The following B3GLCT variants were observed in gnomAD, a reference collection of about 807,000 sequenced individuals.
B3GLCT encodes beta-1,3-glucosyltransferase.
A neutral mutation model predicts 63.4 loss-of-function variants in B3GLCT; 65 were observed. That is an observed-to-expected ratio of 1.03 (90% CI 0.84 to 1.26). B3GLCT has a LOEUF of 1.26. Among genes scored for constraint, B3GLCT ranks in the 50% most tolerant of loss-of-function variants. The probability of loss-of-function intolerance (pLI) is 0.00; values close to 1 mark genes in which losing one functional copy is unlikely to be tolerated. For synonymous variants in B3GLCT, 233 were observed against 219.2 expected, an observed-to-expected ratio of 1.06 and a Z score of -0.55; for missense variants, 577 against 604.8, an observed-to-expected ratio of 0.95 and a Z score of 0.48.
At chr13:31,279,452 A>T (rs1400131341) in intron 10 of B3GLCT, among the ~76,000 whole-genome samples, 3 of 152,066 alleles carry the variant, frequency 2.0e-5, no homozygotes, top group Non-Finnish European at 2.9e-5. Context: ...TGTCCGGGGG[A>T]GACATCACAT....
rs17075749 is a variant in B3GLCT at position 31,275,852 on chromosome 13, G to T, written c.781-850G>T. On this transcript the variant is annotated intron_variant, in intron 9 of 14. Transcript: ENST00000343307. The stretch of plus-strand genomic sequence containing the variant: ...CAGCATTGAGAGAGAATCTGTAATT[G>T]TTTGCAGTTCCAGAGGGGGAGACCA... Among the ~76,000 whole-genome samples, 876 of 152,168 alleles carry T rather than the reference G, an allele frequency of 5.8e-3. 13 individuals carry two copies. Among genetic ancestry groups the T allele is most frequent in the African/African-American group, 0.02 (843 of 41,532 alleles).
chr13:31,277,070 G>A (rs1449958728), intron 10 of B3GLCT, among the ~76,000 whole-genome samples: 3 of 152,188 alleles, frequency 2.0e-5, no homozygotes, highest in Admixed American at 2.0e-4. Context: ...GTGAAAAACA[G>A]TCCATTTTGT....
intron 4 of B3GLCT, among the ~76,000 whole-genome samples, chr13:31,243,208 T>C (rs770850608): frequency 8.5e-5 from 13 of 152,252 alleles, no homozygotes; most frequent in Non-Finnish European, 1.6e-4. Flanking sequence ...TGCCTAATGC[T>C]GATCTTACTT....
chr13:31,233,178 C>T (rs1186406728), intron 4 of B3GLCT, among the ~76,000 whole-genome samples: 2 of 152,084 alleles, frequency 1.3e-5, no homozygotes, highest in Non-Finnish European at 2.9e-5. Flanking sequence ...CCTGTTAACT[C>T]TTAAATGGAT....
intron 1 of B3GLCT, among the ~76,000 whole-genome samples, chr13:31,207,737 C>T (rs1009804896): frequency 1.3e-5 from 2 of 152,116 alleles, no homozygotes; most frequent in African/African-American, 2.4e-5. Context: ...ATATCTGAGT[C>T]GATAGTAGGC....
At chr13:31,300,732 C>T (rs1429110270) in intron 12 of B3GLCT, among the ~76,000 whole-genome samples, 2 of 152,164 alleles carry the variant, frequency 1.3e-5, no homozygotes, top group Non-Finnish European at 2.9e-5. Flanking sequence ...AAAGACCAAT[C>T]TTAGGTTCTA....
chr13:31,321,728 G>A (rs574725866), intron 13 of B3GLCT, among the ~76,000 whole-genome samples: 4 of 152,310 alleles, frequency 2.6e-5, no homozygotes, highest in South Asian at 4.1e-4. Flanking sequence ...GGTATTTTGC[G>A]TTGTTTGGAG....
At chr13:31,251,808 G>A (rs1435288115) in intron 6 of B3GLCT, among the ~76,000 whole-genome samples, 2 of 152,120 alleles carry the variant, frequency 1.3e-5, no homozygotes, top group Non-Finnish European at 2.9e-5. Flanking sequence ...GATATTATCC[G>A]GGAGAACTTC....
intron 7 of B3GLCT, among the ~76,000 whole-genome samples, chr13:31,265,434 G>C (rs1328934471): frequency 6.6e-6 from 1 of 152,060 alleles, no homozygotes; most frequent in Non-Finnish European, 1.5e-5. Context: ...TTGACTTTAC[G>C]GCCCACATTG....
At chr13:31,223,125 C>T in intron 3 of B3GLCT, 134 bp downstream of exon 3, 2 of 672,988 alleles carry the variant, frequency 3.0e-6, no homozygotes, top group Non-Finnish European at 5.2e-6. Flanking sequence ...GTCTTTGGCC[C>T]AGCCTAACGT....
intron 12 of B3GLCT, among the ~76,000 whole-genome samples, chr13:31,291,723 TG>T (rs1873670276): frequency 1.3e-5 from 2 of 152,214 alleles, no homozygotes; most frequent in Admixed American, 1.3e-4. Flanking sequence ...TGGGCTGAGA[TG>T]ATGGATTTTC....
intron 12 of B3GLCT, among the ~76,000 whole-genome samples, chr13:31,313,741 A>G (rs1385802992): frequency 6.6e-6 from 1 of 152,226 alleles, no homozygotes; most frequent in African/African-American, 2.4e-5. Context: ...AGTAGCAAGT[A>G]GCCGAATGTT....
At position 31,200,162 on chromosome 13, in the gene B3GLCT, G is replaced by A; in HGVS notation, c.70+8G>A. 1 of 1,312,492 alleles carries A rather than the reference G, an allele frequency of 7.6e-7. No homozygotes were observed. The highest frequency in any genetic ancestry group is 9.8e-7 in the Non-Finnish European group (1 of 1,019,968). 81.3% of individuals were successfully genotyped at this position (1,312,492 alleles called of 1,614,324 possible). ...TCCTCACCTGCTCCCTGGGTAAGTA[G>A]CGGGCGGCCAGGCGCGCAAGGGCGA... On this transcript the variant is annotated splice_region_variant and intron_variant, in intron 1 of 14. Transcript: ENST00000343307.
chr13:31,253,722 CA>C (rs567800473), intron 6 of B3GLCT, among the ~76,000 whole-genome samples: 2 of 149,342 alleles, frequency 1.3e-5, no homozygotes, highest in Non-Finnish European at 3.0e-5. Flanking sequence ...AAAAACCCTT[CA>C]AAAAAAATCA....
chr13:31,206,546 C>G (rs1868961599), intron 1 of B3GLCT, among the ~76,000 whole-genome samples: 1 of 148,108 alleles, frequency 6.8e-6, no homozygotes, highest in Non-Finnish European at 1.5e-5. Context: ...CGAGACCAGC[C>G]TGGTCAACAT....
intron 10 of B3GLCT, 128 bp downstream of exon 10, chr13:31,276,899 C>T (rs777619322): frequency 1.2e-5 from 9 of 755,504 alleles, no homozygotes; most frequent in Non-Finnish European, 2.1e-5. Flanking sequence ...GAAGTGAAAG[C>T]AGTTATTTAA....
intron 3 of B3GLCT, among the ~76,000 whole-genome samples, chr13:31,226,333 A>G (rs1358578941): frequency 6.6e-6 from 1 of 152,250 alleles, no homozygotes. Context: ...TGCTGAATGA[A>G]TGAATGAAGC....
chr13:31,295,290 G>A (rs976515119), intron 12 of B3GLCT, among the ~76,000 whole-genome samples: 5 of 152,196 alleles, frequency 3.3e-5, no homozygotes, highest in Admixed American at 1.3e-4. Context: ...GAGGCACAGG[G>A]TTCAGGGACC....
intron 10 of B3GLCT, among the ~76,000 whole-genome samples, chr13:31,278,948 T>G (rs1872926213): frequency 6.6e-6 from 1 of 152,248 alleles, no homozygotes; most frequent in Non-Finnish European, 1.5e-5. Context: ...TGTATCCTAT[T>G]GAGTAGCAGA....
Sources: allele counts gnomAD v4.1 joint callset (sites outside exome capture counted in the v4.1 genomes callset), GRCh38; gene constraint gnomAD v4.1.1; transcripts MANE v1.5; gene names NCBI Gene and HGNC (gene_info 2026-07-23, HGNC 2026-07-21).